The following FAM167A variants were observed in gnomAD, a reference collection of about 807,000 sequenced individuals.
FAM167A encodes family with sequence similarity 167 member A, also known as protein FAM167A.
In FAM167A, 23 loss-of-function variants were observed where a neutral mutation model predicts 14.9. The ratio of observed to expected loss-of-function variants is 1.55; its 90% CI spans 1.11 to 2.19. The LOEUF is 2.19. Ranked by LOEUF, FAM167A falls within the 30% of genes most tolerant of loss-of-function variation. The pLI, the probability that FAM167A is intolerant of heterozygous loss-of-function variation, is 0.00. For missense variants in FAM167A, 401 were observed against 281.5 expected (o/e 1.42, Z -3.04); for synonymous variants, 174 against 117.7 (o/e 1.48, Z -3.10).
chr8:11,448,001 C>A (rs986185020), intron 1 of FAM167A, among the ~76,000 whole-genome samples: 2 of 152,128 alleles, frequency 1.3e-5, no homozygotes, highest in East Asian at 1.9e-4. Context: ...CAAGACCAGC[C>A]TGACCAACAT....
At chr8:11,436,081 G>A (rs903570968) in intron 2 of FAM167A, among the ~76,000 whole-genome samples, 1 of 152,194 alleles carries the variant, frequency 6.6e-6, no homozygotes. Flanking sequence ...TTTACTGAGC[G>A]CTCCCTTATC....
At chr8:11,439,595 C>G (rs866014826) in intron 2 of FAM167A, among the ~76,000 whole-genome samples, 1 of 152,324 alleles carries the variant, frequency 6.6e-6, no homozygotes, top group African/African-American at 2.4e-5. Flanking sequence ...CCATAAACAC[C>G]TCCTTGGTGC....
rs111247317 is a variant in FAM167A, at chr8:11,454,755, C to G, written c.-397-9947G>C. On this transcript the variant is annotated intron_variant, in intron 1 of 2. Coordinates refer to ENST00000284486, the MANE Select transcript of FAM167A (RefSeq NM_053279.3). ...GCGAGCCTGGGGTGTGCAGGCTTTT[C>G]TGCCCGGGTTTAATCAGAAACCCAA... Among the ~76,000 whole-genome samples the G allele has an allele frequency of 3.6e-3, 555 of 152,318 alleles. 1 individual carries two copies. The highest frequency in any genetic ancestry group is 0.024 in the Middle Eastern group (7 of 294).
chr8:11,444,564 G>A lies in FAM167A; in HGVS notation c.-153C>T, dbSNP rs1355930707. 2 of 1,456,002 alleles carry A rather than the reference G, an allele frequency of 1.4e-6. No homozygotes were observed. Among genetic ancestry groups the A allele is most frequent in the South Asian group, 1.4e-5 (1 of 69,414 alleles). The allele number at this position is 1,456,002 out of a possible 1,614,324, so 90.2% of individuals were successfully genotyped here. A position where few individuals can be genotyped will look rare whatever the true frequency, so the allele number is the denominator to read the frequency against. On this transcript the variant is annotated 5_prime_UTR_variant, in exon 2 of 3. Coordinates refer to ENST00000284486, the MANE Select transcript of FAM167A (RefSeq NM_053279.3). ...AGGAGCCGGCCTCAGAGGCTGGGTG[G>A]CAGGGGAGCTGAGAGGGACCGCGCA...
At chr8:11,462,567 A>T (rs1296405215) in intron 1 of FAM167A, among the ~76,000 whole-genome samples, 1 of 147,388 alleles carries the variant, frequency 6.8e-6, no homozygotes, top group East Asian at 1.9e-4. Flanking sequence ...CTGTGAGCTC[A>T]GGACTCTACT....
intron 2 of FAM167A, among the ~76,000 whole-genome samples, chr8:11,435,454 G>C (rs895690310): frequency 2.0e-5 from 3 of 152,252 alleles, no homozygotes; most frequent in Admixed American, 1.3e-4. Context: ...AAAGCCATTT[G>C]TTAGATGAAT....
At chr8:11,433,101 T>C (rs570266248) in intron 2 of FAM167A, among the ~76,000 whole-genome samples, 2 of 152,258 alleles carry the variant, frequency 1.3e-5, no homozygotes, top group African/African-American at 2.4e-5. Flanking sequence ...AAATACCTAA[T>C]GTAGGTGACG....
chr8:11,455,402 TGTG>T (rs1447424438), intron 1 of FAM167A, among the ~76,000 whole-genome samples: 1 of 73,204 alleles, frequency 1.4e-5, no homozygotes, highest in Non-Finnish European at 2.4e-5. Flanking sequence ...TGATTGTGAG[TGTG>T]GGGGGTGGCT....
upstream of FAM167A, among the ~76,000 whole-genome samples, chr8:11,471,726 G>C (rs1302496616): frequency 6.6e-6 from 1 of 152,212 alleles, no homozygotes; most frequent in Non-Finnish European, 1.5e-5. Context: ...AGATGGCCGG[G>C]GGTCAGGGGT....
At chr8:11,442,235 G>A (rs1806482929) in intron 2 of FAM167A, among the ~76,000 whole-genome samples, 1 of 152,164 alleles carries the variant, frequency 6.6e-6, no homozygotes, top group Non-Finnish European at 1.5e-5. Context: ...GGCCTGGCAG[G>A]AGATGTGAGC....
chr8:11,424,728 T>C, intron 2 of FAM167A, 92 bp from the exon 3 acceptor site: 2 of 1,507,520 alleles, frequency 1.3e-6, no homozygotes, highest in Non-Finnish European at 1.8e-6. Context: ...ACTAATGTCT[T>C]AGTTCATTAA....
intron 1 of FAM167A, among the ~76,000 whole-genome samples, chr8:11,454,495 G>T (rs1370082882): frequency 1.3e-5 from 2 of 152,234 alleles, no homozygotes; most frequent in African/African-American, 2.4e-5. Flanking sequence ...AAAGGCAGGG[G>T]CCATGAGCTG....
chr8:11,472,118 C>A (rs1807977936), upstream of FAM167A, among the ~76,000 whole-genome samples: 1 of 152,244 alleles, frequency 6.6e-6, no homozygotes, highest in South Asian at 2.1e-4. Context: ...GTGGGCCTCC[C>A]TTTGTGCATT....
At chr8:11,434,177 C>G (rs151048117) in intron 2 of FAM167A, 1 of 152,370 alleles carries the variant, frequency 6.6e-6, no homozygotes, top group African/African-American at 2.4e-5. Context: ...GCTGGAGTTT[C>G]TTTCCCAGAG....
At chr8:11,432,247 T>G (rs1427009732) in intron 2 of FAM167A, among the ~76,000 whole-genome samples, 1 of 152,090 alleles carries the variant, frequency 6.6e-6, no homozygotes, top group East Asian at 1.9e-4. Flanking sequence ...AATTAAAAAT[T>G]TAAAAAAGGA....
Position 11,422,470 on chromosome 8 carries a change from G to C in FAM167A, c.*1903C>G, listed in dbSNP as rs1804821815. 6.6e-6 allele frequency: 1 copy of C among 152,518 alleles called. No homozygotes were observed. Among genetic ancestry groups the C allele is most frequent in the African/African-American group, 2.4e-5 (1 of 41,314 alleles). The allele number at this position is 152,518 out of a possible 1,614,324, so 9.4% of individuals were successfully genotyped here. On this transcript the variant is annotated 3_prime_UTR_variant, in exon 3 of 3. Coordinates refer to ENST00000284486, the MANE Select transcript of FAM167A (RefSeq NM_053279.3). ...TTGGCAGGAAAGGAATGCGTCTTCA[G>C]GACTTGGCAGTGTTTGTGCAGAGCT...
chr8:11,464,274 G>A (rs770300174), intron 1 of FAM167A, among the ~76,000 whole-genome samples: 1 of 152,138 alleles, frequency 6.6e-6, no homozygotes, highest in Non-Finnish European at 1.5e-5. Flanking sequence ...GGCCTTTAAT[G>A]GACAGGGCAA....
At chr8:11,454,270 G>T (rs1426982671) in intron 1 of FAM167A, among the ~76,000 whole-genome samples, 1 of 152,220 alleles carries the variant, frequency 6.6e-6, no homozygotes, top group East Asian at 1.9e-4. Flanking sequence ...TGTTTCCTCT[G>T]CTGAGCCTGC....
intron 1 of FAM167A, among the ~76,000 whole-genome samples, chr8:11,473,492 C>G (rs895378624): frequency 6.6e-6 from 1 of 152,230 alleles, no homozygotes; most frequent in Non-Finnish European, 1.5e-5. Context: ...CGAAGAGATA[C>G]TGAGGACAAA....
Sources: allele counts gnomAD v4.1 joint callset (sites outside exome capture counted in the v4.1 genomes callset), GRCh38; gene constraint gnomAD v4.1.1; transcripts MANE v1.5; gene names NCBI Gene and HGNC (gene_info 2026-07-23, HGNC 2026-07-21).